CSMD3: variants seen among roughly 807,000 people sequenced by gnomAD.
The protein encoded by CSMD3 is CUB and Sushi multiple domains 3, also known as CUB and sushi domain-containing protein 3.
Under a neutral mutation model 435.2 loss-of-function variants are expected in CSMD3, and 177 were observed. That is an observed-to-expected ratio of 0.41 (90% CI 0.36 to 0.46). The LOEUF (loss-of-function observed/expected upper bound fraction) is 0.46, where lower values mean the gene tolerates loss of function less well. CSMD3 is among the 20% of genes least tolerant of loss of function. The pLI is 0.34. For missense variants in CSMD3, 4,265 were observed against 4,504.6 expected (o/e 0.95, Z 1.52); for synonymous variants, 1,656 against 1,520.5 (o/e 1.09, Z -2.07).
chr8:112,637,062 A>G, intron 21 of CSMD3, 57 bp from the exon 22 acceptor site: 1 of 1,354,228 alleles, frequency 7.4e-7, no homozygotes. Flanking sequence ...AGAAAATGAT[A>G]GTGGTTACTT....
At chr8:112,368,624 A>G (rs1289249829) in intron 38 of CSMD3, among the ~76,000 whole-genome samples, 1 of 152,196 alleles carries the variant, frequency 6.6e-6, no homozygotes, top group Non-Finnish European at 1.5e-5. Context: ...CAAGTACTCA[A>G]TAAATACTTG....
At chr8:113,019,698 T>G (rs2086614281) in intron 5 of CSMD3, among the ~76,000 whole-genome samples, 1 of 151,856 alleles carries the variant, frequency 6.6e-6, no homozygotes, top group Non-Finnish European at 1.5e-5. Flanking sequence ...TTGATATCCT[T>G]ATTTCCAGAG....
At chr8:112,594,235 C>A (rs1586758072) in intron 22 of CSMD3, among the ~76,000 whole-genome samples, 2 of 152,288 alleles carry the variant, frequency 1.3e-5, no homozygotes, top group East Asian at 3.9e-4. Flanking sequence ...AGTTCCCTTT[C>A]CGAGTCAAAG....
chr8:113,340,079 TTA>T (rs1278861188), intron 1 of CSMD3, among the ~76,000 whole-genome samples: 1 of 152,032 alleles, frequency 6.6e-6, no homozygotes, highest in African/African-American at 2.4e-5. Flanking sequence ...CTATAACTAT[TTA>T]TATATGTGTT....
At chr8:113,386,308 A>G (rs1166232090) in intron 1 of CSMD3, among the ~76,000 whole-genome samples, 1 of 151,916 alleles carries the variant, frequency 6.6e-6, no homozygotes, top group Admixed American at 6.6e-5. Flanking sequence ...ACCATTTACA[A>G]GCTGTGGGCT....
At chr8:112,882,213 C>T (rs1204135800) in intron 10 of CSMD3, among the ~76,000 whole-genome samples, 1 of 151,886 alleles carries the variant, frequency 6.6e-6, no homozygotes, top group Non-Finnish European at 1.5e-5. Flanking sequence ...AACTGAGTCT[C>T]AAGCAAAAAT....
chr8:112,991,619 T>C (rs2085459107), intron 6 of CSMD3, among the ~76,000 whole-genome samples: 1 of 151,760 alleles, frequency 6.6e-6, no homozygotes, highest in Non-Finnish European at 1.5e-5. Flanking sequence ...ATGGTGTGCC[T>C]TGGAATCAAA....
At chr8:112,534,713 C>T (rs1825883913) in intron 27 of CSMD3, among the ~76,000 whole-genome samples, 1 of 151,968 alleles carries the variant, frequency 6.6e-6, no homozygotes, top group African/African-American at 2.4e-5. Context: ...CAAAGCCAGG[C>T]AGAGACACAA....
Position 112,490,982 on chromosome 8 carries a change from A to C in CSMD3, c.5278+1507T>G, listed in dbSNP as rs566076991. Among the ~76,000 whole-genome samples the C allele has an allele frequency of 5.3e-5, 8 of 152,290 alleles. 1 individual carries two copies. The highest frequency in any genetic ancestry group is 5.2e-4 in the Admixed American group (8 of 15,298). ...GAACCATAAATGCAAGTCAAAAATT[A>C]ACCAGCTGTTCTGGTAATGATGGAC... On this transcript the variant is annotated intron_variant, in intron 31 of 70. Transcript: ENST00000297405.
chr8:113,069,392 TGTTATA>T (rs1324416611), intron 5 of CSMD3, among the ~76,000 whole-genome samples: 2 of 152,154 alleles, frequency 1.3e-5, no homozygotes, highest in Non-Finnish European at 2.9e-5. Context: ...GTCTGATTAG[TGTTATA>T]GTTATATAGT....
intron 7 of CSMD3, among the ~76,000 whole-genome samples, chr8:112,958,153 C>T (rs568578878): frequency 6.4e-4 from 97 of 152,122 alleles, no homozygotes; most frequent in Middle Eastern, 3.4e-3. Context: ...AAAATGAACA[C>T]CCAAGATGAA....
At chr8:113,031,180 C>T (rs1039324122) in intron 5 of CSMD3, among the ~76,000 whole-genome samples, 1 of 151,600 alleles carries the variant, frequency 6.6e-6, no homozygotes, top group Non-Finnish European at 1.5e-5. Context: ...TATATTCACA[C>T]AAAAACCTGT....
intron 6 of CSMD3, among the ~76,000 whole-genome samples, chr8:112,979,073 A>C (rs1452384420): frequency 6.6e-6 from 1 of 151,958 alleles, no homozygotes. Context: ...ACTTTCAAAA[A>C]CATCACTTTG....
chr8:112,882,100 A>C (rs2081464786), intron 10 of CSMD3, among the ~76,000 whole-genome samples: 1 of 152,034 alleles, frequency 6.6e-6, no homozygotes, highest in African/African-American at 2.4e-5. Context: ...GAAATAGGGA[A>C]GCCTTAGCAT....
chr8:112,947,843 T>C lies in CSMD3; in HGVS notation c.1455A>G (p.Leu485=), dbSNP rs1312515349. Residue 485 remains leucine, a synonymous_variant, in exon 9 of 71, where the codon TTA becomes TTG. Coordinates refer to ENST00000297405, the MANE Select transcript of CSMD3 (RefSeq NM_198123.2). The stretch of plus-strand genomic sequence containing the variant: ...TTTCTGGTTCTCCTGGATCTGGGCA[T>C]AAATTGGAAGCTGTTTTAATACCTC... ...NEGGIKTASN[L]CPDPGEPENG... is the part of the protein sequence containing the mutation. The C allele has an allele frequency of 3.2e-6, 5 of 1,552,868 alleles. No individual in the cohort carries two copies. The highest frequency in any genetic ancestry group is 1.7e-5 in the Admixed American group (1 of 59,634).
intron 47 of CSMD3, among the ~76,000 whole-genome samples, chr8:112,315,375 A>C (rs1299669744): frequency 2.0e-5 from 3 of 151,972 alleles, no homozygotes; most frequent in Non-Finnish European, 4.4e-5. Context: ...TGCATTCTGT[A>C]TCAGACCAAA....
chr8:113,224,874 G>T (rs1272197390), intron 3 of CSMD3, among the ~76,000 whole-genome samples: 2 of 150,864 alleles, frequency 1.3e-5, no homozygotes. Flanking sequence ...GAAATGCATT[G>T]TGAAATGGGG....
At chr8:112,777,872 T>A (rs1279764869) in intron 13 of CSMD3, among the ~76,000 whole-genome samples, 2 of 151,894 alleles carry the variant, frequency 1.3e-5, no homozygotes, top group African/African-American at 4.8e-5. Flanking sequence ...ATACTTTTTT[T>A]TAACCTAAAA....
intron 3 of CSMD3, among the ~76,000 whole-genome samples, chr8:113,255,281 TAA>T (rs1296783167): frequency 6.6e-6 from 1 of 152,150 alleles, no homozygotes. Flanking sequence ...TTACATATAA[TAA>T]AGACTGCCCT....
Sources: gnomAD v4.1 joint callset for allele counts (sites outside exome capture counted in the v4.1 genomes callset) on GRCh38, gnomAD v4.1.1 for gene constraint, MANE v1.5 for transcripts, NCBI Gene and HGNC (gene_info 2026-07-23, HGNC 2026-07-21) for gene names.